CALD1: variants seen among roughly 807,000 people sequenced by gnomAD.
CALD1 encodes the protein caldesmon.
Under a neutral mutation model 99.9 loss-of-function variants are expected in CALD1, and 33 were observed. That is an observed-to-expected ratio of 0.33 (90% confidence interval 0.25 to 0.44). The LOEUF (loss-of-function observed/expected upper bound fraction) is 0.44, where lower values mean the gene tolerates loss of function less well. Ranked by LOEUF, CALD1 falls within the 20% of genes least tolerant of loss-of-function variation. The pLI, the probability that CALD1 is intolerant of heterozygous loss-of-function variation, is 1.00. For synonymous variants in CALD1, 310 were observed against 325.0 expected (o/e 0.95, Z 0.50); for missense variants, 861 against 962.1 (o/e 0.89, Z 1.39).
At chr7:134,753,298 T>C (rs953286224) in intron 1 of CALD1, among the ~76,000 whole-genome samples, 2 of 152,042 alleles carry the variant, frequency 1.3e-5, no homozygotes, top group Admixed American at 1.3e-4. Context: ...TTAATTTCTA[T>C]AGAAAAAAAA....
chr7:134,785,826 C>T (rs558300248), intron 1 of CALD1, among the ~76,000 whole-genome samples: 5 of 152,134 alleles, frequency 3.3e-5, no homozygotes, highest in Non-Finnish European at 7.4e-5. Context: ...ATTTGGGGTA[C>T]TTTTATATGA....
In CALD1 at chr7:134,870,230, G is replaced by T. The variant is rs76961831; in HGVS notation, c.71+2426G>T. On this transcript the variant is annotated intron_variant, in intron 3 of 14. Transcript: ENST00000361675. Reference sequence around the variant, plus strand: ...GAAGCAGACAGGCCAGGGTGTAGGGGCAGACCTGATAGAGTTGTGGCTAGA... The same window carrying T: ...GAAGCAGACAGGCCAGGGTGTAGGGTCAGACCTGATAGAGTTGTGGCTAGA... Among the ~76,000 whole-genome samples, 1,174 of 152,298 alleles carry T rather than the reference G, an allele frequency of 7.7e-3. 16 individuals are homozygous for T. Among genetic ancestry groups the T allele is most frequent in the African/African-American group, 0.027 (1,102 of 41,546 alleles).
At position 134,788,245 on chromosome 7, in the gene CALD1, A is replaced by T. The variant is rs572872561; in HGVS notation, c.-130+8496A>T. ...ATTATCTATTCTCTTGAGGTTAGTT[A>T]CATCTATTGTGGCTATATGGTGGAA... On this transcript the variant is annotated intron_variant, in intron 1 of 14. Coordinates refer to ENST00000361675, the MANE Select transcript of CALD1 (RefSeq NM_033138.4). Among the ~76,000 whole-genome samples, 6 of 152,256 alleles carry T rather than the reference A, an allele frequency of 3.9e-5. No homozygotes were observed. The South Asian group carries it at 1.2e-3, about 31-fold the overall frequency.
intron 3 of CALD1, among the ~76,000 whole-genome samples, chr7:134,880,832 A>G (rs1238789637): frequency 1.3e-5 from 2 of 152,122 alleles, no homozygotes; most frequent in Non-Finnish European, 2.9e-5. Context: ...ATTTTCCCTG[A>G]GCCAGCATCT....
intron 3 of CALD1, among the ~76,000 whole-genome samples, chr7:134,889,541 G>A (rs991871813): frequency 6.6e-6 from 1 of 152,144 alleles, no homozygotes; most frequent in African/African-American, 2.4e-5. Flanking sequence ...GGAGATTTGC[G>A]GGAAACGTTA....
At chr7:134,910,030 T>G (rs1013706474) in intron 3 of CALD1, among the ~76,000 whole-genome samples, 1 of 152,218 alleles carries the variant, frequency 6.6e-6, no homozygotes, top group Non-Finnish European at 1.5e-5. Context: ...CAATGTCATT[T>G]TGGAGTTAGG....
At chr7:134,873,540 A>G (rs1801203971) in intron 3 of CALD1, among the ~76,000 whole-genome samples, 1 of 152,248 alleles carries the variant, frequency 6.6e-6, no homozygotes, top group Non-Finnish European at 1.5e-5. Flanking sequence ...ATGTGTGTCT[A>G]GTAAAGACGG....
intron 1 of CALD1, among the ~76,000 whole-genome samples, chr7:134,814,688 G>C (rs573286341): frequency 6.6e-6 from 1 of 152,242 alleles, no homozygotes; most frequent in South Asian, 2.1e-4. Flanking sequence ...CAGTGCAGCT[G>C]GTCCACAAGT....
intron 2 of CALD1, among the ~76,000 whole-genome samples, chr7:134,860,179 T>C (rs1177226430): frequency 6.6e-6 from 1 of 152,182 alleles, no homozygotes; most frequent in East Asian, 1.9e-4. Context: ...ATGCATGTAT[T>C]TTTTTAAAGT....
chr7:134,965,209 C>T (rs1258124473), intron 13 of CALD1, 97 bp from the exon 14 acceptor site: 1 of 735,514 alleles, frequency 1.4e-6, no homozygotes, highest in Non-Finnish European at 2.5e-6. Context: ...AAACAACAAA[C>T]TGATTCAAAT....
chr7:134,950,305 C>T, intron 8 of CALD1, 69 bp from the exon 9 acceptor site: 2 of 1,514,162 alleles, frequency 1.3e-6, no homozygotes, highest in South Asian at 1.2e-5. Context: ...TGCTCTCTCT[C>T]CTACAGCACT....
intron 1 of CALD1, among the ~76,000 whole-genome samples, chr7:134,821,412 GACT>G (rs1284789389): frequency 1.3e-5 from 2 of 151,852 alleles, no homozygotes; most frequent in Non-Finnish European, 2.9e-5. Flanking sequence ...CTAAATATTA[GACT>G]ACATTTATAA....
intron 1 of CALD1, among the ~76,000 whole-genome samples, chr7:134,825,113 G>T (rs1253852296): frequency 2.0e-5 from 3 of 152,044 alleles, no homozygotes; most frequent in African/African-American, 7.2e-5. Flanking sequence ...AATGGAAAGA[G>T]GTTTTTCTAT....
At position 134,926,500 on chromosome 7, in the gene CALD1, A is replaced by G. The variant is rs927818799; in HGVS notation, c.72-2254A>G. Among the ~76,000 whole-genome samples, 4 of 152,342 alleles carry G rather than the reference A, an allele frequency of 2.6e-5. No homozygotes were observed. In the South Asian group the frequency reaches 6.2e-4, roughly 24 times the overall value. On this transcript the variant is annotated intron_variant, in intron 3 of 14. Transcript: ENST00000361675. ...ACATGAGCAGATTTTAGTAAATATG[A>G]AGTCAGATTTTCTCAAGTAGCAAAG...
At chr7:134,927,730 G>A (rs1249461009) in intron 3 of CALD1, among the ~76,000 whole-genome samples, 1 of 151,022 alleles carries the variant, frequency 6.6e-6, no homozygotes, top group Non-Finnish European at 1.5e-5. Flanking sequence ...AAAAGAGGGG[G>A]GCCTTAAAGG....
At chr7:134,778,441 C>T (rs1235367703), upstream of CALD1, among the ~76,000 whole-genome samples, 1 of 152,176 alleles carries the variant, frequency 6.6e-6, no homozygotes, top group Non-Finnish European at 1.5e-5. Context: ...TATTGTGAAA[C>T]TTCTTGGTCA....
At chr7:134,914,531 T>C (rs1403007517) in intron 3 of CALD1, among the ~76,000 whole-genome samples, 1 of 152,220 alleles carries the variant, frequency 6.6e-6, no homozygotes, top group African/African-American at 2.4e-5. Flanking sequence ...AAGAGCCTTA[T>C]ACTTCGTTAA....
At chr7:134,791,606 G>A (rs1282096971) in intron 1 of CALD1, among the ~76,000 whole-genome samples, 1 of 152,106 alleles carries the variant, frequency 6.6e-6, no homozygotes, top group African/African-American at 2.4e-5. Context: ...GCCATACAGA[G>A]TGCCCACATT....
intron 11 of CALD1, 98 bp from the exon 12 acceptor site, chr7:134,959,876 A>C: frequency 7.6e-7 from 1 of 1,323,052 alleles, no homozygotes; most frequent in South Asian, 1.4e-5. Context: ...TTACACAATG[A>C]ATTTTTAAGA....
Sources: allele counts gnomAD v4.1 joint callset (sites outside exome capture counted in the v4.1 genomes callset), GRCh38; gene constraint gnomAD v4.1.1; transcripts MANE v1.5; gene names NCBI Gene and HGNC (gene_info 2026-07-23, HGNC 2026-07-21).